Variants in MAST2 observed in about 807,000 individuals in gnomAD.
MAST2 encodes the protein microtubule-associated serine/threonine-protein kinase 2.
In MAST2, 70 loss-of-function variants were observed where a neutral mutation model predicts 147.4. The observed-to-expected ratio is 0.47, with a 90% CI of 0.39 to 0.58. The LOEUF (loss-of-function observed/expected upper bound fraction) is 0.58, where lower values mean the gene tolerates loss of function less well. Among genes scored for constraint, MAST2 ranks in the 20% least tolerant of loss-of-function variants. MAST2 has a pLI of 0.00. For synonymous variants in MAST2, 869 were observed against 896.8 expected, an observed-to-expected ratio of 0.97 and a Z score of 0.55; for missense variants, 2,080 against 2,302.3, an observed-to-expected ratio of 0.90 and a Z score of 1.98.
Position 46,022,912 on chromosome 1 carries a change from A to G in MAST2, c.1426A>G (p.Met476Val), listed in dbSNP as rs375425588. 2 of 1,613,858 alleles carry G rather than the reference A, an allele frequency of 1.2e-6. No individual in the cohort carries two copies. Among genetic ancestry groups the G allele is most frequent in the Non-Finnish European group, 1.7e-6 (2 of 1,179,846 alleles). ...TTCTCTTGTATCTTTGTTTCCAGAA[A>G]TGGCCCAGTTGAGCAGCTGTGACAG... ...LGLTRDPLEE[M>V]AQLSSCDSPD... Residue 476 changes from methionine (M) to valine (V), a missense_variant and splice_region_variant, in exon 13 of 29, where the codon ATG (methionine) becomes GTG (valine). Met to Val is a conservative substitution (Grantham distance 21, BLOSUM62 1). Coordinates refer to ENST00000361297, the MANE Select transcript of MAST2 (RefSeq NM_015112.3).
chr1:45,874,129 T>C (rs1239109367), intron 3 of MAST2, among the ~76,000 whole-genome samples: 3 of 152,186 alleles, frequency 2.0e-5, no homozygotes, highest in Middle Eastern at 6.8e-3. Flanking sequence ...TCTAAAGTAT[T>C]TTCATGTACG....
At position 45,917,525 on chromosome 1, in the gene MAST2, G is replaced by A. The variant is rs764479545; in HGVS notation, c.500+35130G>A. ...GCACTCCTTGTTCCAGCCGCCCACT[G>A]CCGTGGAGGTAAGGAAACTTGCTGT... On this transcript the variant is annotated intron_variant, in intron 4 of 28. Coordinates refer to ENST00000361297, the MANE Select transcript of MAST2 (RefSeq NM_015112.3). The A allele has an allele frequency of 7.3e-6, 10 of 1,366,492 alleles. No homozygotes were observed. In the Admixed American group the frequency reaches 1.7e-4, roughly 23 times the overall value. The allele number at this position is 1,366,492 out of a possible 1,614,324, so 84.6% of individuals were successfully genotyped here. A position where few individuals can be genotyped will look rare whatever the true frequency, so the allele number is the denominator to read the frequency against.
At chr1:45,896,908 C>T (rs949143639) in intron 4 of MAST2, among the ~76,000 whole-genome samples, 3 of 152,180 alleles carry the variant, frequency 2.0e-5, no homozygotes, top group African/African-American at 7.2e-5. Context: ...TTTCCTAAAT[C>T]TTGTCAAGTT....
intron 5 of MAST2, among the ~76,000 whole-genome samples, chr1:45,968,852 A>T: frequency 7.4e-6 from 1 of 135,060 alleles, no homozygotes. Context: ...TAATTGTCTC[A>T]CAGTTCTCGG....
rs960735766 is a variant in MAST2 at position 46,030,883 on chromosome 1, T to C, written c.2708+122T>C. On this transcript the variant is annotated intron_variant, in intron 22 of 28. Coordinates refer to ENST00000361297, the MANE Select transcript of MAST2 (RefSeq NM_015112.3). Reference sequence around the variant, plus strand: ...GGCAGGGAGGGGGCATTCACAAGGGTGGCTCCTGGAGGAATGTCTGCGGAG... The same window carrying C: ...GGCAGGGAGGGGGCATTCACAAGGGCGGCTCCTGGAGGAATGTCTGCGGAG... 4 of 1,469,524 alleles carry C rather than the reference T, an allele frequency of 2.7e-6. No homozygotes were observed. The African/African-American group carries it at 5.7e-5, about 21-fold the overall frequency. 91.0% of individuals were successfully genotyped at this position (1,469,524 alleles called of 1,614,324 possible). A position where few individuals can be genotyped will look rare whatever the true frequency, so the allele number is the denominator to read the frequency against.
intron 5 of MAST2, among the ~76,000 whole-genome samples, chr1:45,994,512 C>T (rs1644977918): frequency 6.6e-6 from 1 of 151,892 alleles, no homozygotes; most frequent in African/African-American, 2.4e-5. Flanking sequence ...GCCTTGAACC[C>T]CTAACCTCAG....
At position 45,900,444 on chromosome 1, in the gene MAST2, A is replaced by ATTTTTTT. The variant is rs1557883752; in HGVS notation, c.500+18050_500+18051insTTTTTTT. On this transcript the variant is annotated intron_variant, in intron 4 of 28. Coordinates refer to ENST00000361297, the MANE Select transcript of MAST2 (RefSeq NM_015112.3). ...TTTCTCTGATGATTAGTGATGTTGG[A>ATTTTTTT]TATTTTTTTTTTTTTTTTTTTTTTT... 3.4e-4 allele frequency among the ~76,000 whole-genome samples: 5 copies of ATTTTTTT among 14,888 alleles called. 1 individual carries two copies. The highest frequency in any genetic ancestry group is 5.0e-4 in the Non-Finnish European group (5 of 10,060). 9.8% of individuals were successfully genotyped at this position (14,888 alleles called of 152,430 possible). A position where few individuals can be genotyped will look rare whatever the true frequency, so the allele number is the denominator to read the frequency against.
chr1:45,921,306 C>A (rs1282749425), intron 4 of MAST2, among the ~76,000 whole-genome samples: 1 of 152,092 alleles, frequency 6.6e-6, no homozygotes, highest in Non-Finnish European at 1.5e-5. Flanking sequence ...TGTCTGTGGT[C>A]TTAACCCCTC....
chr1:45,820,354 A>G (rs969930031), intron 1 of MAST2, among the ~76,000 whole-genome samples: 1 of 152,164 alleles, frequency 6.6e-6, no homozygotes, highest in Non-Finnish European at 1.5e-5. Flanking sequence ...AACTGGATCA[A>G]GGGGATCTTT....
Position 46,013,576 on chromosome 1 carries a change from A to G in MAST2, c.1188+2637A>G, listed in dbSNP as rs12240209. Among the ~76,000 whole-genome samples, 1,118 of 152,062 alleles carry G rather than the reference A, an allele frequency of 7.4e-3. 16 individuals carry two copies. Among genetic ancestry groups the G allele is most frequent in the African/African-American group, 0.025 (1,055 of 41,476 alleles). On this transcript the variant is annotated intron_variant, in intron 10 of 28. Coordinates refer to ENST00000361297, the MANE Select transcript of MAST2 (RefSeq NM_015112.3). ...ACGCCTGTAATCCCAGCCGCTCGGG[A>G]GGCTGAGGCAGGAGAATCGCTTGAA...
At chr1:45,812,495 T>A (rs1644334228) in intron 1 of MAST2, among the ~76,000 whole-genome samples, 1 of 151,640 alleles carries the variant, frequency 6.6e-6, no homozygotes, top group Non-Finnish European at 1.5e-5. Context: ...TGGTACCATC[T>A]TGGCTCACTG....
chr1:46,002,032 G>A (rs887368187), intron 6 of MAST2, among the ~76,000 whole-genome samples: 19 of 152,136 alleles, frequency 1.2e-4, no homozygotes, highest in African/African-American at 4.3e-4. Flanking sequence ...AGAATCACAC[G>A]TTCATATTAT....
chr1:45,997,815 ACCT>A lies in MAST2; in HGVS notation c.668+21_668+23del, dbSNP rs757490028. On this transcript the variant is annotated intron_variant, in intron 6 of 28. Coordinates refer to ENST00000361297, the MANE Select transcript of MAST2 (RefSeq NM_015112.3). ...CTGCCCGTAGGTAAGTTGATAGGAA[ACCT>A]CCTCTGGGACCAGCACATGTGGCAC... 26 of 1,610,540 alleles carry A rather than the reference ACCT, an allele frequency of 1.6e-5. No homozygotes were observed. The highest frequency in any genetic ancestry group is 2.2e-5 in the Non-Finnish European group (26 of 1,177,044).
intron 5 of MAST2, among the ~76,000 whole-genome samples, chr1:45,992,124 A>G (rs1249471609): frequency 6.6e-6 from 1 of 152,020 alleles, no homozygotes; most frequent in Non-Finnish European, 1.5e-5. Flanking sequence ...GTTCTTGGAG[A>G]AAAAATACCC....
At chr1:45,990,173 C>T (rs541301544) in intron 5 of MAST2, among the ~76,000 whole-genome samples, 3 of 152,304 alleles carry the variant, frequency 2.0e-5, no homozygotes, top group Non-Finnish European at 4.4e-5. Flanking sequence ...AGTGGCTGTA[C>T]CATTTTGCAT....
intron 4 of MAST2, among the ~76,000 whole-genome samples, chr1:45,932,588 G>A (rs949400401): frequency 2.0e-5 from 3 of 152,134 alleles, no homozygotes; most frequent in South Asian, 2.1e-4. Flanking sequence ...CACGAGAATC[G>A]CTTGAACCCA....
chr1:45,815,167 T>C (rs1477005953), intron 1 of MAST2, among the ~76,000 whole-genome samples: 1 of 151,950 alleles, frequency 6.6e-6, no homozygotes, highest in Admixed American at 6.6e-5. Flanking sequence ...AGAAGTAATA[T>C]AGTTTTGTCA....
intron 4 of MAST2, among the ~76,000 whole-genome samples, chr1:45,921,617 T>A (rs976825997): frequency 6.6e-6 from 1 of 152,150 alleles, no homozygotes; most frequent in Non-Finnish European, 1.5e-5. Context: ...ACTGTGAGGC[T>A]GCATCGGGAC....
chr1:45,852,686 T>C (rs1176424153), intron 3 of MAST2, among the ~76,000 whole-genome samples: 1 of 152,076 alleles, frequency 6.6e-6, no homozygotes, highest in East Asian at 1.9e-4. Context: ...GTGAATATTA[T>C]ATAAATGGAA....
Sources: allele counts gnomAD v4.1 joint callset (sites outside exome capture counted in the v4.1 genomes callset), GRCh38; gene constraint gnomAD v4.1.1; transcripts MANE v1.5; gene names NCBI Gene and HGNC (gene_info 2026-07-23, HGNC 2026-07-21).